The following ULK4 variants were observed in gnomAD, a reference collection of about 807,000 sequenced individuals.
The protein encoded by ULK4 is inactive serine/threonine-protein kinase ULK4.
In ULK4, 133 loss-of-function variants were observed where a neutral mutation model predicts 160.6. The observed-to-expected ratio is 0.83, with a 90% CI of 0.72 to 0.96. ULK4 has a LOEUF of 0.96. Ranked by LOEUF, ULK4 falls within the 40% of genes least tolerant of loss-of-function variation. The probability of loss-of-function intolerance (pLI) is 0.00; values close to 1 mark genes in which losing one functional copy is unlikely to be tolerated. For missense variants in ULK4, 1,580 were observed against 1,499.5 expected, an observed-to-expected ratio of 1.05 and a Z score of -0.89; for synonymous variants, 534 against 539.8, an observed-to-expected ratio of 0.99 and a Z score of 0.15.
At chr3:41,336,999 T>C (rs954816188) in intron 35 of ULK4, among the ~76,000 whole-genome samples, 2 of 152,208 alleles carry the variant, frequency 1.3e-5, no homozygotes, top group African/African-American at 2.4e-5. Flanking sequence ...GGTCACATTT[T>C]CTCAAATGTC....
chr3:41,353,711 CTA>C (rs1559540444), intron 35 of ULK4, among the ~76,000 whole-genome samples: 2 of 129,720 alleles, frequency 1.5e-5, no homozygotes, highest in East Asian at 4.5e-4. Flanking sequence ...ACTACTACTA[CTA>C]CTACTACTAC....
intron 34 of ULK4, among the ~76,000 whole-genome samples, chr3:41,404,786 T>C (rs1017101921): frequency 6.6e-6 from 1 of 152,202 alleles, no homozygotes; most frequent in African/African-American, 2.4e-5. Context: ...CTTCATGTGA[T>C]GCCTTCTGGC....
intron 17 of ULK4, among the ~76,000 whole-genome samples, chr3:41,848,878 T>C (rs1217394632): frequency 6.6e-6 from 1 of 152,216 alleles, no homozygotes; most frequent in East Asian, 1.9e-4. Flanking sequence ...GCTGTCCAGT[T>C]TCCTGCCCTT....
At chr3:41,471,765 A>ATTGAAAT (rs1175302407) in intron 32 of ULK4, among the ~76,000 whole-genome samples, 1 of 152,186 alleles carries the variant, frequency 6.6e-6, no homozygotes, top group Non-Finnish European at 1.5e-5. Context: ...CAATGAGTTA[A>ATTGAAAT]TAAAGAAATT....
At chr3:41,413,752 T>G (rs2082462234) in intron 34 of ULK4, among the ~76,000 whole-genome samples, 1 of 152,182 alleles carries the variant, frequency 6.6e-6, no homozygotes, top group South Asian at 2.1e-4. Context: ...TGGCCCAACT[T>G]TGGTAATTAT....
intron 30 of ULK4, among the ~76,000 whole-genome samples, chr3:41,647,057 C>T (rs1248868569): frequency 5.3e-5 from 8 of 152,192 alleles, no homozygotes; most frequent in Non-Finnish European, 1.2e-4. Flanking sequence ...CTCCTTTAAG[C>T]ACTTCTCTGT....
intron 35 of ULK4, among the ~76,000 whole-genome samples, chr3:41,284,922 T>C (rs894408732): frequency 5.9e-5 from 9 of 151,810 alleles, no homozygotes; most frequent in Non-Finnish European, 1.3e-4. Flanking sequence ...CATCAAAAAG[T>C]AGGCTAAGGA....
chr3:41,809,735 A>G (rs192298815), intron 19 of ULK4, among the ~76,000 whole-genome samples: 1 of 152,276 alleles, frequency 6.6e-6, no homozygotes, highest in Non-Finnish European at 1.5e-5. Context: ...CTTTTAATAT[A>G]TATTTTCAAT....
chr3:41,678,657 T>C (rs534978095), intron 29 of ULK4, among the ~76,000 whole-genome samples: 1 of 152,346 alleles, frequency 6.6e-6, no homozygotes, highest in South Asian at 2.1e-4. Context: ...AATTGGGTGC[T>C]ATTGTTTGCA....
chr3:41,364,694 A>C (rs1202890175), intron 35 of ULK4, among the ~76,000 whole-genome samples: 3 of 152,214 alleles, frequency 2.0e-5, no homozygotes, highest in Non-Finnish European at 4.4e-5. Flanking sequence ...AGTGGATGTT[A>C]GCAGGCCTTC....
At chr3:41,336,427 G>A (rs1182043368) in intron 35 of ULK4, among the ~76,000 whole-genome samples, 1 of 152,178 alleles carries the variant, frequency 6.6e-6, no homozygotes, top group Non-Finnish European at 1.5e-5. Context: ...GAAAAAGTGT[G>A]TCAGAGGAAG....
intron 35 of ULK4, among the ~76,000 whole-genome samples, chr3:41,272,470 G>A (rs1370082923): frequency 6.8e-6 from 1 of 146,068 alleles, no homozygotes; most frequent in Admixed American, 7.1e-5. Flanking sequence ...TTATAAGAAT[G>A]TGCCATTATC....
chr3:41,290,309 T>G (rs1373651109), intron 35 of ULK4, among the ~76,000 whole-genome samples: 2 of 152,200 alleles, frequency 1.3e-5, no homozygotes, highest in African/African-American at 4.8e-5. Context: ...TTTATGTATA[T>G]TAACTCATTT....
At chr3:41,370,279 A>C (rs1338707684) in intron 35 of ULK4, among the ~76,000 whole-genome samples, 1 of 152,196 alleles carries the variant, frequency 6.6e-6, no homozygotes. Flanking sequence ...GAAATCCATA[A>C]TGTTTCTAGA....
intron 35 of ULK4, among the ~76,000 whole-genome samples, chr3:41,340,476 A>T (rs2080659241): frequency 6.6e-6 from 1 of 152,206 alleles, no homozygotes; most frequent in South Asian, 2.1e-4. Context: ...TCATTTGTTC[A>T]TTTGAGAAAC....
At chr3:41,944,113 C>T (rs1359275569) in intron 2 of ULK4, among the ~76,000 whole-genome samples, 1 of 152,170 alleles carries the variant, frequency 6.6e-6, no homozygotes, top group Non-Finnish European at 1.5e-5. Context: ...AACCCCGTGG[C>T]ACCCTCTTTC....
intron 34 of ULK4, among the ~76,000 whole-genome samples, chr3:41,405,384 G>A (rs1277946283): frequency 6.6e-6 from 1 of 152,096 alleles, no homozygotes; most frequent in East Asian, 1.9e-4. Flanking sequence ...CTGTTGATGG[G>A]CACCTAGGTT....
chr3:41,634,448 T>A (rs990055918), intron 30 of ULK4, among the ~76,000 whole-genome samples: 1 of 151,904 alleles, frequency 6.6e-6, no homozygotes, highest in Non-Finnish European at 1.5e-5. Flanking sequence ...GTATAATGAG[T>A]CAGGAGGGCA....
At chr3:41,823,720 A>C (rs2041230681) in intron 18 of ULK4, among the ~76,000 whole-genome samples, 1 of 152,196 alleles carries the variant, frequency 6.6e-6, no homozygotes, top group South Asian at 2.1e-4. Flanking sequence ...TGACAATTCC[A>C]CAAAGCCCTC....
Sources: allele counts gnomAD v4.1 joint callset (sites outside exome capture counted in the v4.1 genomes callset), GRCh38; gene constraint gnomAD v4.1.1; transcripts MANE v1.5; gene names NCBI Gene and HGNC (gene_info 2026-07-23, HGNC 2026-07-21).